The following FNIP1 variants were observed in gnomAD, a reference collection of about 807,000 sequenced individuals.
The protein encoded by FNIP1 is folliculin interacting protein 1.
FNIP1 carries 40 observed loss-of-function variants against 124.5 expected under a neutral mutation model. The ratio of observed to expected loss-of-function variants is 0.32; its 90% CI spans 0.25 to 0.42. FNIP1 has a LOEUF of 0.42. Among genes scored for constraint, FNIP1 ranks in the 10% least tolerant of loss-of-function variants. The pLI is 1.00. For missense variants in FNIP1, 1,176 were observed against 1,403.7 expected, an observed-to-expected ratio of 0.84 and a Z score of 2.59; for synonymous variants, 472 against 470.6, an observed-to-expected ratio of 1.00 and a Z score of -0.04.
chr5:131,747,635 C>T (rs1328804379), intron 1 of FNIP1, among the ~76,000 whole-genome samples: 3 of 152,046 alleles, frequency 2.0e-5, no homozygotes, highest in African/African-American at 7.3e-5. Flanking sequence ...AAAGTATCCA[C>T]TAGAGAAGCA....
chr5:131,678,493 T>C (rs1240410683), intron 12 of FNIP1, among the ~76,000 whole-genome samples: 1 of 152,178 alleles, frequency 6.6e-6, no homozygotes. Flanking sequence ...CTGCAAGCTG[T>C]GCCTCCTGGA....
intron 1 of FNIP1, among the ~76,000 whole-genome samples, chr5:131,767,890 C>T (rs1771493196): frequency 1.3e-5 from 2 of 152,042 alleles, no homozygotes; most frequent in African/African-American, 4.8e-5. Flanking sequence ...AATTATTTTT[C>T]TCTAACTACA....
intron 3 of FNIP1, among the ~76,000 whole-genome samples, chr5:131,723,161 A>G (rs1031254385): frequency 6.6e-6 from 1 of 152,212 alleles, no homozygotes; most frequent in Non-Finnish European, 1.5e-5. Flanking sequence ...TAATGATAAA[A>G]TAGCTATTTA....
chr5:131,681,663 G>GAA (rs34306777), intron 11 of FNIP1, among the ~76,000 whole-genome samples: 2 of 149,422 alleles, frequency 1.3e-5, no homozygotes, highest in African/African-American at 4.9e-5. Context: ...TTGCTGAAAT[G>GAA]AAAAAAGCAT....
At chr5:131,682,494 G>A (rs749531270) in intron 11 of FNIP1, among the ~76,000 whole-genome samples, 2 of 151,890 alleles carry the variant, frequency 1.3e-5, no homozygotes, top group Non-Finnish European at 2.9e-5. Flanking sequence ...CTAGGTGGGC[G>A]GATCACCTGA....
chr5:131,751,422 A>G (rs1410561216), intron 1 of FNIP1, among the ~76,000 whole-genome samples: 1 of 152,042 alleles, frequency 6.6e-6, no homozygotes, highest in African/African-American at 2.4e-5. Context: ...TGTTTCTTCC[A>G]CTAGAAAAAA....
intron 11 of FNIP1, among the ~76,000 whole-genome samples, chr5:131,682,816 T>C (rs535903345): frequency 6.7e-4 from 102 of 152,288 alleles, no homozygotes; most frequent in South Asian, 1.5e-3. Context: ...GAAAAGCAAA[T>C]ACTTTCAGTA....
At chr5:131,660,789 C>T (rs558831883) in intron 15 of FNIP1, among the ~76,000 whole-genome samples, 1 of 152,188 alleles carries the variant, frequency 6.6e-6, no homozygotes, top group Non-Finnish European at 1.5e-5. Flanking sequence ...TACCTGCCCA[C>T]GGTGTGGTAG....
intron 1 of FNIP1, among the ~76,000 whole-genome samples, chr5:131,792,727 T>TA (rs1200886370): frequency 1.3e-5 from 2 of 152,158 alleles, no homozygotes; most frequent in African/African-American, 4.8e-5. Flanking sequence ...ACAAAATCAT[T>TA]AAAAAGTACT....
At chr5:131,673,082 C>T (rs1767815244) in intron 13 of FNIP1, among the ~76,000 whole-genome samples, 158 bp from the exon 14 acceptor site, 1 of 150,914 alleles carries the variant, frequency 6.6e-6, no homozygotes, top group Admixed American at 6.6e-5. Context: ...GGGTCTCACA[C>T]TGTAATCCTG....
intron 1 of FNIP1, among the ~76,000 whole-genome samples, chr5:131,746,082 A>G (rs907458420): frequency 6.6e-6 from 1 of 152,200 alleles, no homozygotes; most frequent in Non-Finnish European, 1.5e-5. Flanking sequence ...ACTTTTACAT[A>G]TCCATTACAT....
intron 11 of FNIP1, among the ~76,000 whole-genome samples, chr5:131,698,284 T>C (rs867898476): frequency 6.6e-6 from 1 of 152,168 alleles, no homozygotes; most frequent in African/African-American, 2.4e-5. Flanking sequence ...GAGGAAAGAT[T>C]GAGAAAATGA....
intron 8 of FNIP1, among the ~76,000 whole-genome samples, chr5:131,707,709 C>T (rs1004890507): frequency 6.6e-6 from 1 of 151,856 alleles, no homozygotes; most frequent in Non-Finnish European, 1.5e-5. Flanking sequence ...AAATGCTGTC[C>T]TAAGTTTGGA....
intron 15 of FNIP1, among the ~76,000 whole-genome samples, chr5:131,661,218 TTTTGTGTGTGTGTGTGTG>T (rs1767425492): frequency 9.1e-5 from 1 of 10,952 alleles, no homozygotes; most frequent in South Asian, 2.8e-3. Context: ...CTTGTCTTTG[TTTTGTGTGTGTGTGTGTG>T]TGTGTGTGTG....
At chr5:131,777,113 T>C (rs893367437) in intron 1 of FNIP1, among the ~76,000 whole-genome samples, 2 of 151,982 alleles carry the variant, frequency 1.3e-5, no homozygotes, top group Non-Finnish European at 2.9e-5. Context: ...GGTGGTGCAC[T>C]ATTATTATTC....
intron 10 of FNIP1, among the ~76,000 whole-genome samples, chr5:131,700,203 C>T (rs985123238): frequency 2.0e-5 from 3 of 151,662 alleles, no homozygotes; most frequent in Non-Finnish European, 2.9e-5. Flanking sequence ...AAGATGGTCT[C>T]GATCTCTTGA....
intron 1 of FNIP1, among the ~76,000 whole-genome samples, chr5:131,759,498 C>G (rs942946018): frequency 1.3e-5 from 2 of 152,088 alleles, no homozygotes; most frequent in Admixed American, 6.6e-5. Context: ...TGAAAAAATG[C>G]TCATCATCAC....
At position 131,746,523 on chromosome 5, in the gene FNIP1, G is replaced by A. The variant is rs748036734; in HGVS notation, c.93-1833C>T. Among the ~76,000 whole-genome samples, 16 of 152,124 alleles carry A rather than the reference G, an allele frequency of 1.1e-4. No individual in the cohort carries two copies. The East Asian group carries it at 1.2e-3, about 11-fold the overall frequency. ...CTCCCACTTATAACTGAGAACATGCGGTATCTGATTTTCTGTTCCTGCATT... is the reference window on the plus strand; with the variant it reads ...CTCCCACTTATAACTGAGAACATGCAGTATCTGATTTTCTGTTCCTGCATT... On this transcript the variant is annotated intron_variant, in intron 1 of 17. Coordinates refer to ENST00000510461, the MANE Select transcript of FNIP1 (RefSeq NM_133372.3).
rs369035924 is a variant in FNIP1, at chr5:131,754,833, G to A, written c.93-10143C>T. Among the ~76,000 whole-genome samples, 92 of 152,336 alleles carry A rather than the reference G, an allele frequency of 6.0e-4. 4 individuals carry two copies. In the South Asian group the frequency reaches 0.018, roughly 30 times the overall value. ...AAACTTGAAGAACTGACAAGATAGA[G>A]AGAAGCCTGGAGAAAAGAATGTTAT... On this transcript the variant is annotated intron_variant, in intron 1 of 17. Transcript: ENST00000510461.
Sources: gnomAD v4.1 joint callset for allele counts (sites outside exome capture counted in the v4.1 genomes callset) on GRCh38, gnomAD v4.1.1 for gene constraint, MANE v1.5 for transcripts, NCBI Gene and HGNC (gene_info 2026-07-23, HGNC 2026-07-21) for gene names.